Variants in KSR2 observed in about 807,000 individuals in gnomAD.
The protein encoded by KSR2 is kinase suppressor of ras 2.
In KSR2, 25 loss-of-function variants were observed where a neutral mutation model predicts 107.8. That is an observed-to-expected ratio of 0.23 (90% CI 0.17 to 0.32). The LOEUF is 0.32. Among genes scored for constraint, KSR2 ranks in the 10% least tolerant of loss-of-function variants. The pLI is 1.00. For missense variants in KSR2, 887 were observed against 1,268.9 expected (o/e 0.70, Z 4.57); for synonymous variants, 480 against 507.0 (o/e 0.95, Z 0.71).
intron 1 of KSR2, among the ~76,000 whole-genome samples, chr12:117,880,509 G>T (rs1893991984): frequency 6.6e-6 from 1 of 151,786 alleles, no homozygotes; most frequent in Non-Finnish European, 1.5e-5. Context: ...ATTCAGAATT[G>T]TCCTAATGGA....
At chr12:117,652,510 C>T (rs1883946301) in intron 5 of KSR2, among the ~76,000 whole-genome samples, 1 of 152,152 alleles carries the variant, frequency 6.6e-6, no homozygotes, top group African/African-American at 2.4e-5. Context: ...ATCACAGCCC[C>T]TCAGTCAATT....
At chr12:117,529,361 G>T (rs1247724985) in intron 12 of KSR2, among the ~76,000 whole-genome samples, 6 of 152,126 alleles carry the variant, frequency 3.9e-5, no homozygotes, top group Non-Finnish European at 7.3e-5. Flanking sequence ...GATTACAGTT[G>T]TGTGCCACCA....
At chr12:117,878,470 ATGT>A (rs1408942066) in intron 1 of KSR2, among the ~76,000 whole-genome samples, 2 of 152,158 alleles carry the variant, frequency 1.3e-5, no homozygotes, top group East Asian at 3.9e-4. Flanking sequence ...AAAATAGATG[ATGT>A]TGTTAAAAAT....
At chr12:117,966,642 CACACAT>C (rs1197665413) in intron 1 of KSR2, among the ~76,000 whole-genome samples, 2 of 150,648 alleles carry the variant, frequency 1.3e-5, no homozygotes, top group Non-Finnish European at 3.0e-5. Flanking sequence ...CACACACACA[CACACAT>C]GCTGTCTCTC....
At chr12:117,516,452 A>G (rs1874382591) in intron 14 of KSR2, among the ~76,000 whole-genome samples, 2 of 152,174 alleles carry the variant, frequency 1.3e-5, no homozygotes, top group African/African-American at 4.8e-5. Context: ...TGCTGTTTGT[A>G]GTGTCAAAGA....
intron 4 of KSR2, among the ~76,000 whole-genome samples, chr12:117,717,104 G>A (rs746213054): frequency 7.2e-5 from 11 of 152,240 alleles, no homozygotes; most frequent in African/African-American, 2.7e-4. Flanking sequence ...CAAAGTTGGT[G>A]TGTGATCCAC....
At chr12:117,759,242 T>C (rs1315665350) in intron 4 of KSR2, among the ~76,000 whole-genome samples, 1 of 152,178 alleles carries the variant, frequency 6.6e-6, no homozygotes, top group Admixed American at 6.5e-5. Flanking sequence ...TAAATCACAG[T>C]TCATGGGCCA....
At chr12:117,862,728 C>CTTTTTTTTTT (rs60357744) in intron 1 of KSR2, among the ~76,000 whole-genome samples, 1 of 135,576 alleles carries the variant, frequency 7.4e-6, no homozygotes, top group Non-Finnish European at 1.6e-5. Flanking sequence ...CATTCCCCCC[C>CTTTTTTTTTT]TTTTTTTTTT....
intron 3 of KSR2, among the ~76,000 whole-genome samples, chr12:117,819,506 G>A (rs1891489890): frequency 6.6e-6 from 1 of 152,150 alleles, no homozygotes; most frequent in South Asian, 2.1e-4. Flanking sequence ...TTGATTTATG[G>A]TGATGGTTTC....
At chr12:117,663,073 C>A (rs1884508021) in intron 5 of KSR2, among the ~76,000 whole-genome samples, 1 of 152,166 alleles carries the variant, frequency 6.6e-6, no homozygotes, top group Admixed American at 6.5e-5. Flanking sequence ...GTGAGCACAG[C>A]ACACTGACAA....
intron 5 of KSR2, among the ~76,000 whole-genome samples, chr12:117,583,039 A>T (rs1879762779): frequency 6.6e-6 from 1 of 152,234 alleles, no homozygotes; most frequent in Non-Finnish European, 1.5e-5. Context: ...TGTATATTAT[A>T]GATAATTATT....
Position 117,903,014 on chromosome 12 carries a change from T to C in KSR2, c.181-42583A>G, listed in dbSNP as rs1894735416. ...CATAGGGCTTAATGAATTGATACAT[T>C]TTAAGCACTTAGAATAGAGCTTTGA... On this transcript the variant is annotated intron_variant, in intron 1 of 19. Transcript: ENST00000339824. Among the ~76,000 whole-genome samples, 3 of 152,208 alleles carry C rather than the reference T, an allele frequency of 2.0e-5. No individual in the cohort carries two copies. The South Asian group carries it at 6.2e-4, about 31-fold the overall frequency.
At chr12:117,551,743 C>T (rs708854) in intron 9 of KSR2, among the ~76,000 whole-genome samples, 116,482 of 152,142 alleles carry the variant, frequency 0.77, 44,885 homozygotes, top group African/African-American at 0.79. Flanking sequence ...GTGAAGCCAG[C>T]GAGAAGGGAA....
In KSR2 at chr12:117,837,125, T is replaced by C. The variant is rs11068694; in HGVS notation, c.472+18303A>G. The stretch of plus-strand genomic sequence containing the variant: ...GCCCCGTCGGAGTAGGCTGCTCTGA[T>C]AGATGCCTCTGCCGTTCACTAGGGG... On this transcript the variant is annotated intron_variant, in intron 3 of 19. Transcript: ENST00000339824. Among the ~76,000 whole-genome samples, 59 of 152,296 alleles carry C rather than the reference T, an allele frequency of 3.9e-4. No individual in the cohort carries two copies. In the East Asian group the frequency reaches 0.011, roughly 29 times the overall value.
intron 5 of KSR2, among the ~76,000 whole-genome samples, chr12:117,618,377 T>C (rs955415276): frequency 6.6e-6 from 1 of 152,034 alleles, no homozygotes; most frequent in African/African-American, 2.4e-5. Context: ...CAACATGACA[T>C]GCAGGAAGTT....
chr12:117,538,494 C>T (rs1359085869), intron 10 of KSR2, among the ~76,000 whole-genome samples: 5 of 152,150 alleles, frequency 3.3e-5, no homozygotes, highest in Non-Finnish European at 7.4e-5. Flanking sequence ...TGGCCACTCA[C>T]TCATGCCTGG....
chr12:117,536,261 AT>A lies in KSR2; in HGVS notation c.1687+3457del, dbSNP rs560248437. Among the ~76,000 whole-genome samples, 343 of 152,256 alleles carry A rather than the reference AT, an allele frequency of 2.3e-3. 2 individuals carry two copies. The highest frequency in any genetic ancestry group is 7.8e-3 in the African/African-American group (326 of 41,558). On this transcript the variant is annotated intron_variant, in intron 10 of 19. Coordinates refer to ENST00000339824, the MANE Select transcript of KSR2 (RefSeq NM_173598.6). ...GGCAGGGACCCACAGGCAAAGCTCC[AT>A]TTTTCATCAACAGAAGCTCCCAGTC...
chr12:117,864,761 A>T (rs1893418110), intron 1 of KSR2, among the ~76,000 whole-genome samples: 1 of 152,188 alleles, frequency 6.6e-6, no homozygotes, highest in African/African-American at 2.4e-5. Context: ...TGTATGTGTG[A>T]CTGTGTCCAA....
At chr12:117,887,741 A>T (rs114404232) in intron 1 of KSR2, among the ~76,000 whole-genome samples, 1,831 of 152,290 alleles carry the variant, frequency 0.012, 35 homozygotes, top group African/African-American at 0.04. Flanking sequence ...TGGCATTTCC[A>T]TGTGGGCATC....
Sources: gnomAD v4.1 joint callset for allele counts (sites outside exome capture counted in the v4.1 genomes callset) on GRCh38, gnomAD v4.1.1 for gene constraint, MANE v1.5 for transcripts, NCBI Gene and HGNC (gene_info 2026-07-23, HGNC 2026-07-21) for gene names.